ATAD2: variants seen among roughly 807,000 people sequenced by gnomAD.
ATAD2 encodes the protein ATPase family AAA domain containing 2, also known as ATPase family AAA domain-containing protein 2.
Under a neutral mutation model 168.9 loss-of-function variants are expected in ATAD2, and 62 were observed. The observed-to-expected ratio is 0.37, with a 90% CI of 0.30 to 0.45. The LOEUF (loss-of-function observed/expected upper bound fraction) is 0.45. ATAD2 is among the 20% of genes least tolerant of loss of function. The probability of loss-of-function intolerance (pLI) is 1.00; values close to 1 mark genes in which losing one functional copy is unlikely to be tolerated. For synonymous variants in ATAD2, 613 were observed against 571.6 expected (o/e 1.07, Z -1.03); for missense variants, 1,419 against 1,667.8 (o/e 0.85, Z 2.60).
At position 123,362,147 on chromosome 8, in the gene ATAD2, ACAG is replaced by A. The variant is rs10543637; in HGVS notation, c.1050-504_1050-502del. 8.3e-3 allele frequency among the ~76,000 whole-genome samples: 1,270 copies of A among 152,140 alleles called. 13 individuals are homozygous for A. The highest frequency in any genetic ancestry group is 0.029 in the African/African-American group (1,191 of 41,506). ...CTCTACTAAAAATCAAAAAGCTTAG[ACAG>A]GTATGGTTGTAGCACATCTGTTGTC... On this transcript the variant is annotated intron_variant, in intron 8 of 27. Coordinates refer to ENST00000287394, the MANE Select transcript of ATAD2 (RefSeq NM_014109.4).
chr8:123,328,614 A>G (rs763590074), intron 24 of ATAD2, 35 bp from the exon 25 acceptor site: 4 of 1,498,404 alleles, frequency 2.7e-6, no homozygotes, highest in Non-Finnish European at 3.6e-6. Context: ...ATGAAAGAAC[A>G]TTCAACCATT....
intron 19 of ATAD2, among the ~76,000 whole-genome samples, chr8:123,343,205 A>C (rs1207434371): frequency 6.6e-6 from 1 of 151,900 alleles, no homozygotes; most frequent in African/African-American, 2.4e-5. Context: ...TGAACTCCTG[A>C]TCTCAGGTGA....
At chr8:123,382,085 C>T (rs1586899263) in intron 1 of ATAD2, among the ~76,000 whole-genome samples, 1 of 152,196 alleles carries the variant, frequency 6.6e-6, no homozygotes, top group East Asian at 1.9e-4. Context: ...AAATCAAAGT[C>T]AAAGGTTCCT....
chr8:123,332,353 A>G (rs1261830364), intron 24 of ATAD2, among the ~76,000 whole-genome samples: 3 of 152,210 alleles, frequency 2.0e-5, no homozygotes, highest in African/African-American at 7.2e-5. Context: ...AACTCACATA[A>G]TCAGCACCCA....
At position 123,361,496 on chromosome 8, in the gene ATAD2, A is replaced by G. The variant is rs200930162; in HGVS notation, c.1157+43T>C. ...TTCTGTTTTCTTAGCAATTTTTACAAAATGTGTCTGCTAGTTTAAAAAGGC... is the reference window on the plus strand; with the variant it reads ...TTCTGTTTTCTTAGCAATTTTTACAGAATGTGTCTGCTAGTTTAAAAAGGC... On this transcript the variant is annotated intron_variant, in intron 9 of 27. Transcript: ENST00000287394. 8,286 of 1,507,272 alleles carry G rather than the reference A, an allele frequency of 5.5e-3. 38 individuals carry two copies. Among genetic ancestry groups the G allele is most frequent in the Non-Finnish European group, 6.9e-3 (7,466 of 1,086,590 alleles). 93.4% of individuals were successfully genotyped at this position (1,507,272 alleles called of 1,614,324 possible).
At chr8:123,379,429 A>T (rs1460425150) in intron 2 of ATAD2, among the ~76,000 whole-genome samples, 2 of 152,240 alleles carry the variant, frequency 1.3e-5, no homozygotes, top group African/African-American at 4.8e-5. Context: ...AAGCTAAGTT[A>T]TAGTCACAAA....
Position 123,380,643 on chromosome 8 carries a change from T to A in ATAD2, c.206A>T (p.His69Leu). Residue 69 changes from histidine to leucine, a missense_variant, in exon 2 of 28, where the codon CAC becomes CTC. Physicochemically the swap from His to Leu is moderately conservative, Grantham distance 99. Coordinates refer to ENST00000287394, the MANE Select transcript of ATAD2 (RefSeq NM_014109.4). ...CAAAGATCTTAAAGCACGTGTCCGG[T>A]GGTAGGTTTCAACTTCCTTAACTGA... is the stretch of plus-strand genomic sequence containing the variant. ...GSSVKEVETYHRTRALRSLRK... is the reference protein window; with the variant it reads ...GSSVKEVETYLRTRALRSLRK... The A allele has an allele frequency of 6.2e-7, 1 of 1,614,038 alleles. No individual in the cohort carries two copies. Among genetic ancestry groups the A allele is most frequent in the South Asian group, 1.1e-5 (1 of 91,076 alleles).
At chr8:123,354,290 A>G (rs1352370649) in intron 13 of ATAD2, among the ~76,000 whole-genome samples, 3 of 152,236 alleles carry the variant, frequency 2.0e-5, no homozygotes, top group East Asian at 3.8e-4. Context: ...ATACAGTTTA[A>G]TCATCTTCAA....
At chr8:123,405,248 TTTTC>T (rs1192716453) in intron 1 of ATAD2, among the ~76,000 whole-genome samples, 1 of 125,550 alleles carries the variant, frequency 8.0e-6, no homozygotes, top group Non-Finnish European at 1.6e-5. Flanking sequence ...TTCTTTTTCA[TTTTC>T]TTTCTTTCTT....
chr8:123,333,973 T>C lies in ATAD2; in HGVS notation c.3383A>G (p.Lys1128Arg). The change falls in exon 24 of 28, where the codon AAG (lysine) becomes AGG (arginine). Residue 1128 changes from lysine (K) to arginine (R), a missense_variant. This residue lies in a region of ATAD2 where 545 missense variants were observed against 724.9 expected (regional missense o/e 0.75). Coordinates refer to ENST00000287394, the MANE Select transcript of ATAD2 (RefSeq NM_014109.4). ...YAPSYYHVMP[K>R]QNSTLVGDKR... is the part of the protein sequence containing the mutation. ...ATCACCAACAAGAGTGGAATTTTGC[T>C]TTGGCATCACATGGTAGTAAGACGG... 6.2e-7 allele frequency: 1 copy of C among 1,614,186 alleles called. No homozygotes were observed. The highest frequency in any genetic ancestry group is 1.1e-5 in the South Asian group (1 of 91,086).
At chr8:123,348,784 T>C (rs930698959) in intron 14 of ATAD2, among the ~76,000 whole-genome samples, 14 of 152,202 alleles carry the variant, frequency 9.2e-5, no homozygotes, top group Non-Finnish European at 1.6e-4. Flanking sequence ...ATTAAACATA[T>C]TTGCATTTAT....
chr8:123,339,897 CT>C (rs55690697), intron 19 of ATAD2, among the ~76,000 whole-genome samples: 3,910 of 145,424 alleles, frequency 0.027, 67 homozygotes, highest in Middle Eastern at 0.047. Context: ...TTTTTGTTTT[CT>C]TTTTTTTTTT....
In ATAD2 at chr8:123,337,824, T is replaced by G. The variant is rs1165972979; in HGVS notation, c.2855-3A>C. On this transcript the variant is annotated splice_region_variant and splice_polypyrimidine_tract_variant and intron_variant, in intron 20 of 27. Transcript: ENST00000287394. ...GAGTACCTCCAAAGCCTGCAAAACT[T>G]CACATGAATGGAAGAATTTAGTTAC... The G allele has an allele frequency of 6.3e-7, 1 of 1,581,316 alleles. No individual in the cohort carries two copies. Among genetic ancestry groups the G allele is most frequent in the East Asian group, 2.3e-5 (1 of 44,080 alleles).
intron 1 of ATAD2, among the ~76,000 whole-genome samples, chr8:123,382,974 AG>A (rs1829533489): frequency 6.6e-6 from 1 of 152,248 alleles, no homozygotes; most frequent in South Asian, 2.1e-4. Context: ...GACTGGATAA[AG>A]AAAATGTGGC....
chr8:123,402,102 T>A lies in ATAD2; in HGVS notation c.-2281-927A>T. ...GGCCTGCACTCTTAGGAGAAGCGGC[T>A]GTACTGACAGCAGTGGAGGCCGAGG... On this transcript the variant is annotated intron_variant, in intron 1 of 28. Transcript: ENST00000521903. This position sits in a 1 kb window ranked among gnomAD's most constrained non-coding sequence, Gnocchi z 4.8. 8 of 1,086,088 alleles carry A rather than the reference T, an allele frequency of 7.4e-6. No individual in the cohort carries two copies. The South Asian group carries it at 1.0e-4, about 14-fold the overall frequency. The allele number at this position is 1,086,088 out of a possible 1,614,324, so 67.3% of individuals were successfully genotyped here.
chr8:123,351,124 A>C (rs1241465058), intron 13 of ATAD2, among the ~76,000 whole-genome samples: 1 of 152,150 alleles, frequency 6.6e-6, no homozygotes, highest in African/African-American at 2.4e-5. Flanking sequence ...TTATATCCCC[A>C]CAGGAGGCAC....
intron 8 of ATAD2, among the ~76,000 whole-genome samples, chr8:123,366,881 C>T (rs139896851): frequency 9.6e-4 from 142 of 148,068 alleles, no homozygotes; most frequent in African/African-American, 1.9e-3. Flanking sequence ...CAAAAACCTA[C>T]GGAAATAAAA....
chr8:123,397,241 A>G (rs1268587908), upstream of ATAD2, among the ~76,000 whole-genome samples: 810 of 47,176 alleles, frequency 0.017, 16 homozygotes, highest in East Asian at 0.033. Context: ...ACTCTGTCTC[A>G]AAAAAAAAAA....
intron 1 of ATAD2, among the ~76,000 whole-genome samples, chr8:123,413,111 G>A (rs1813185108): frequency 6.6e-6 from 1 of 152,052 alleles, no homozygotes; most frequent in South Asian, 2.1e-4. Flanking sequence ...CCCAGTCTCT[G>A]TGGGAGGATA....
Sources: gnomAD v4.1 joint callset for allele counts (sites outside exome capture counted in the v4.1 genomes callset) on GRCh38, gnomAD v4.1.1 for gene constraint, gnomAD v4.1.1 regional missense constraint, Gnocchi (gnomAD v3.1) non-coding constraint, MANE v1.5 for transcripts, NCBI Gene and HGNC (gene_info 2026-07-23, HGNC 2026-07-21) for gene names.